STAG1: variants seen among roughly 807,000 people sequenced by gnomAD.
STAG1 encodes STAG1 cohesin complex component.
STAG1 carries 26 observed loss-of-function variants against 170.9 expected under a neutral mutation model. That is an observed-to-expected ratio of 0.15 (90% confidence interval 0.11 to 0.21). The LOEUF is 0.21. Ranked by LOEUF, STAG1 falls within the 10% of genes least tolerant of loss-of-function variation. The pLI, the probability that STAG1 is intolerant of heterozygous loss-of-function variation, is 1.00. For synonymous variants in STAG1, 514 were observed against 497.7 expected (o/e 1.03, Z -0.44); for missense variants, 964 against 1,509.5 (o/e 0.64, Z 5.99).
At chr3:136,577,665 C>G (rs894092875) in intron 4 of STAG1, among the ~76,000 whole-genome samples, 1 of 152,158 alleles carries the variant, frequency 6.6e-6, no homozygotes, top group African/African-American at 2.4e-5. Flanking sequence ...CCTGATGCCA[C>G]TAGATCCATG....
At chr3:136,585,645 T>G (rs1559892997) in intron 4 of STAG1, among the ~76,000 whole-genome samples, 1 of 151,840 alleles carries the variant, frequency 6.6e-6, no homozygotes, top group South Asian at 2.1e-4. Flanking sequence ...CAATTCCAAT[T>G]TTTTCCTTTT....
chr3:136,485,332 C>A (rs930017041), intron 9 of STAG1, among the ~76,000 whole-genome samples: 4 of 152,048 alleles, frequency 2.6e-5, no homozygotes, highest in Non-Finnish European at 4.4e-5. Context: ...TGGTGGGCAC[C>A]TGTAGTCCCA....
intron 7 of STAG1, among the ~76,000 whole-genome samples, chr3:136,508,319 T>C (rs1933872845): frequency 6.6e-6 from 1 of 152,146 alleles, no homozygotes; most frequent in Non-Finnish European, 1.5e-5. Context: ...TGTGAGTGGG[T>C]CTCATGCAAT....
chr3:136,661,989 CA>C (rs1384583645), intron 1 of STAG1, among the ~76,000 whole-genome samples: 1 of 152,170 alleles, frequency 6.6e-6, no homozygotes, highest in Non-Finnish European at 1.5e-5. Context: ...ATCCACAAAG[CA>C]AATGTAAGTA....
chr3:136,377,827 G>A, intron 22 of STAG1, 75 bp from the exon 23 acceptor site: 2 of 1,233,196 alleles, frequency 1.6e-6, no homozygotes, highest in Non-Finnish European at 1.2e-6. Context: ...ACAGTAAGTG[G>A]AAAATAGCAA....
intron 21 of STAG1, among the ~76,000 whole-genome samples, chr3:136,411,517 T>G (rs111852210): frequency 4.6e-5 from 7 of 152,330 alleles, no homozygotes; most frequent in African/African-American, 1.4e-4. Flanking sequence ...TTTCACAAGC[T>G]AATGATTATT....
At chr3:136,372,767 T>C (rs1034521168) in intron 23 of STAG1, among the ~76,000 whole-genome samples, 2 of 152,224 alleles carry the variant, frequency 1.3e-5, no homozygotes, top group Non-Finnish European at 2.9e-5. Context: ...TTATTGAGCA[T>C]TTTTGCATCA....
chr3:136,341,355 A>G, intron 31 of STAG1, 86 bp downstream of exon 31: 1 of 893,786 alleles, frequency 1.1e-6, no homozygotes, highest in Non-Finnish European at 1.8e-6. Context: ...TCCTAAGACC[A>G]AACATCAAAG....
chr3:136,476,211 G>C (rs562431238), intron 10 of STAG1, among the ~76,000 whole-genome samples: 1 of 152,280 alleles, frequency 6.6e-6, no homozygotes, highest in East Asian at 1.9e-4. Flanking sequence ...GACAATGCTA[G>C]TAGCCCTTGT....
At chr3:136,545,957 G>T (rs1365001270) in intron 5 of STAG1, among the ~76,000 whole-genome samples, 3 of 152,040 alleles carry the variant, frequency 2.0e-5, no homozygotes, top group Non-Finnish European at 2.9e-5. Context: ...ATCACGTATT[G>T]GCACATAACA....
At chr3:136,360,677 C>A (rs544417534) in intron 26 of STAG1, among the ~76,000 whole-genome samples, 1 of 151,420 alleles carries the variant, frequency 6.6e-6, no homozygotes, top group African/African-American at 2.4e-5. Flanking sequence ...TTTATAAATT[C>A]TTTTTTTTTC....
chr3:136,496,933 A>G (rs376608012), intron 9 of STAG1, among the ~76,000 whole-genome samples: 45 of 152,248 alleles, frequency 3.0e-4, no homozygotes, highest in East Asian at 1.2e-3. Context: ...AGGGAGAGAG[A>G]GAGAGATGTT....
At chr3:136,342,759 T>C (rs535383222) in intron 30 of STAG1, among the ~76,000 whole-genome samples, 27 of 152,296 alleles carry the variant, frequency 1.8e-4, no homozygotes, top group African/African-American at 6.5e-4. Flanking sequence ...ATTAAACCTA[T>C]AAACCTGGAG....
intron 22 of STAG1, among the ~76,000 whole-genome samples, chr3:136,393,333 C>A (rs2087061331): frequency 1.3e-5 from 2 of 152,030 alleles, no homozygotes; most frequent in Admixed American, 1.3e-4. Context: ...CAAACTGAGC[C>A]AACTTTTGTA....
intron 1 of STAG1, chr3:136,736,916 C>A (rs1934375520): frequency 1.9e-6 from 3 of 1,586,870 alleles, no homozygotes; most frequent in Non-Finnish European, 1.7e-6. Context: ...TGCTCCTGAT[C>A]TAGTAGCAAC....
At chr3:136,499,737 C>A (rs192350193) in intron 9 of STAG1, 2 of 151,796 alleles carry the variant, frequency 1.3e-5, no homozygotes, top group East Asian at 3.9e-4. Context: ...ATGTGTTTAT[C>A]TGAAAGGAAA....
chr3:136,338,276 C>T lies in STAG1; in HGVS notation c.3755G>A (p.Gly1252Glu). Reference sequence around the variant, plus strand: ...ACTTCAGAACATAGGCATTCCAAATCCCTAGAAAAATGATGAGAAACATAA... The same window carrying T: ...ACTTCAGAACATAGGCATTCCAAATTCCTAGAAAAATGATGAGAAACATAA... The part of the protein sequence containing the change: ...DSAAIIEDDS[G>E]FGMPMF Residue 1252 changes from glycine to glutamate, a missense_variant and splice_region_variant, in exon 34 of 34, where the codon GGA becomes GAA. Gly to Glu is a moderately conservative substitution (Grantham distance 98). Around this residue, in one of 11 missense-constraint regions of STAG1, gnomAD observed 59 missense variants for 104.2 expected, o/e 0.57. Coordinates refer to ENST00000383202, the MANE Select transcript of STAG1 (RefSeq NM_005862.3). 1 of 1,605,768 alleles carries T rather than the reference C, an allele frequency of 6.2e-7. No homozygotes were observed. Among genetic ancestry groups the T allele is most frequent in the Non-Finnish European group, 8.5e-7 (1 of 1,173,432 alleles).
At chr3:136,665,679 C>T (rs1212895703) in intron 1 of STAG1, among the ~76,000 whole-genome samples, 1 of 150,956 alleles carries the variant, frequency 6.6e-6, no homozygotes, top group Middle Eastern at 3.2e-3. Flanking sequence ...ACTGGGGAGG[C>T]TGAGGCAGGA....
intron 6 of STAG1, among the ~76,000 whole-genome samples, chr3:136,537,303 T>C (rs1024084943): frequency 6.6e-6 from 1 of 152,168 alleles, no homozygotes; most frequent in Non-Finnish European, 1.5e-5. Context: ...AGAATAAGCC[T>C]GGTATGCCCT....
Sources: gnomAD v4.1 joint callset for allele counts (sites outside exome capture counted in the v4.1 genomes callset) on GRCh38, gnomAD v4.1.1 for gene constraint, gnomAD v4.1.1 regional missense constraint, MANE v1.5 for transcripts, NCBI Gene and HGNC (gene_info 2026-07-23, HGNC 2026-07-21) for gene names.